DYNLT1: variants seen among roughly 807,000 people sequenced by gnomAD.
DYNLT1 encodes T-complex testis-specific protein 1 homolog.
Under a neutral mutation model 19.6 loss-of-function variants are expected in DYNLT1, and 18 were observed. That is an observed-to-expected ratio of 0.92 (90% CI 0.64 to 1.36). DYNLT1 has a LOEUF of 1.36. Ranked by LOEUF, DYNLT1 falls within the 40% of genes most tolerant of loss-of-function variation. The probability of loss-of-function intolerance (pLI) is 0.00; values close to 1 mark genes in which losing one functional copy is unlikely to be tolerated. For synonymous variants in DYNLT1, 56 were observed against 44.0 expected (o/e 1.27, Z -1.07); for missense variants, 137 against 139.3 (o/e 0.98, Z 0.08).
Position 158,637,186 on chromosome 6 carries a change from C to A in DYNLT1, c.213G>T (p.Gln71His). 2 of 1,614,190 alleles carry A rather than the reference C, an allele frequency of 1.2e-6. No individual in the cohort carries two copies. The highest frequency in any genetic ancestry group is 1.7e-6 in the Non-Finnish European group (2 of 1,180,030). The change falls in exon 4 of 5, where the codon CAG becomes CAT. Residue 71 changes from glutamine to histidine, a missense_variant. By Grantham distance (24) the Gln-to-His change is conservative. Transcript: ENST00000367089. ...FKYIVTCVIM[Q>H]KNGAGLHTAS... ...CTGTGTGTAATCCAGCTCCATTCTTCTGCATAATTACACAGGTCACTTAAG... is the reference window on the plus strand; with the variant it reads ...CTGTGTGTAATCCAGCTCCATTCTTATGCATAATTACACAGGTCACTTAAG...
intron 2 of DYNLT1, among the ~76,000 whole-genome samples, chr6:158,639,149 C>T (rs1210209088): frequency 2.0e-5 from 3 of 152,112 alleles, no homozygotes; most frequent in Non-Finnish European, 2.9e-5. Context: ...GATCTGGCGA[C>T]CTTGCTTTTG....
At chr6:158,637,274 A>G (rs1225286694) in intron 3 of DYNLT1, 69 bp from the exon 4 acceptor site, 97 of 1,421,106 alleles carry the variant, frequency 6.8e-5, no homozygotes, top group Non-Finnish European at 9.3e-5. Flanking sequence ...GTCCACTTTT[A>G]GCAAACGTAC....
chr6:158,638,055 T>G (rs1335749969), intron 2 of DYNLT1, among the ~76,000 whole-genome samples, 161 bp from the exon 3 acceptor site: 6 of 152,240 alleles, frequency 3.9e-5, no homozygotes, highest in African/African-American at 1.4e-4. Context: ...ATATTTCATT[T>G]AAATAAGTTT....
At chr6:158,644,605 T>G in intron 1 of DYNLT1, 77 bp downstream of exon 1, 2 of 1,582,056 alleles carry the variant, frequency 1.3e-6, no homozygotes, top group Non-Finnish European at 1.7e-6. Context: ...CAGCCAGGCC[T>G]TTCCGGGCAG....
rs73016246 is a variant in DYNLT1 at position 158,644,721 on chromosome 6, G to C, written c.-13C>G. 1.7e-5 allele frequency: 27 copies of C among 1,610,998 alleles called. No individual in the cohort carries two copies. In the African/African-American group the frequency reaches 2.9e-4, roughly 17 times the overall value. On this transcript the variant is annotated 5_prime_UTR_variant, in exon 1 of 5. Coordinates refer to ENST00000367089, the MANE Select transcript of DYNLT1 (RefSeq NM_006519.4). Reference sequence around the variant, plus strand: ...GGTAGTCTTCCATCTTTCCTCCGGCGCGTCCCCTCCGGCTCCCTGAGTGGC... The same window carrying C: ...GGTAGTCTTCCATCTTTCCTCCGGCCCGTCCCCTCCGGCTCCCTGAGTGGC...
chr6:158,643,815 A>T (rs1787234186), intron 1 of DYNLT1, among the ~76,000 whole-genome samples: 1 of 152,220 alleles, frequency 6.6e-6, no homozygotes. Context: ...ATCCAACCTT[A>T]CCAAATGTAT....
At chr6:158,644,414 G>C (rs530099956) in intron 1 of DYNLT1, among the ~76,000 whole-genome samples, 1 of 152,184 alleles carries the variant, frequency 6.6e-6, no homozygotes, top group Non-Finnish European at 1.5e-5. Context: ...CCGCTCACCG[G>C]GGCGCTCTCT....
intron 1 of DYNLT1, among the ~76,000 whole-genome samples, chr6:158,644,180 G>C (rs1225377381): frequency 6.6e-6 from 1 of 152,034 alleles, no homozygotes; most frequent in Non-Finnish European, 1.5e-5. Context: ...GCGCGGGATG[G>C]CCGGGACGCC....
chr6:158,638,490 T>C (rs1282696807), intron 2 of DYNLT1, among the ~76,000 whole-genome samples: 1 of 152,018 alleles, frequency 6.6e-6, no homozygotes, highest in East Asian at 1.9e-4. Context: ...AGTGATGGAA[T>C]CTTGGCTCAC....
chr6:158,642,213 T>G (rs567814006), intron 1 of DYNLT1: 1 of 152,376 alleles, frequency 6.6e-6, no homozygotes, highest in African/African-American at 2.4e-5. Context: ...GCTGCCAGCA[T>G]GGCTGTTCTC....
Position 158,637,856 on chromosome 6 carries a change from G to A in DYNLT1, c.108C>T (p.His36=), listed in dbSNP as rs1562323559. ...ESAIGGNAYQ[H]SKVNQWTTNV... is the part of the protein sequence containing the mutation. ...TTGTGGTCCACTGGTTCACTTTGCT[G>A]TGTTGATAAGCGTTACCACCAATTG... Residue 36 remains histidine, a synonymous_variant, in exon 3 of 5, where the codon CAC becomes CAT. Transcript: ENST00000367089. 4.4e-6 allele frequency: 7 copies of A among 1,608,296 alleles called. No homozygotes were observed. The highest frequency in any genetic ancestry group is 1.7e-6 in the Non-Finnish European group (2 of 1,180,022).
chr6:158,642,245 G>A (rs1209159226), intron 1 of DYNLT1: 2 of 152,244 alleles, frequency 1.3e-5, no homozygotes, highest in Non-Finnish European at 2.9e-5. Flanking sequence ...GGATGACTCA[G>A]GAGGTGGGCT....
chr6:158,636,514 T>A lies in DYNLT1; in HGVS notation c.*313A>T, dbSNP rs749442500. The A allele has an allele frequency of 6.6e-6, 2 of 304,810 alleles. No individual in the cohort carries two copies. The highest frequency in any genetic ancestry group is 2.1e-5 in the African/African-American group (1 of 46,954). 18.9% of individuals were successfully genotyped at this position (304,810 alleles called of 1,614,324 possible). On this transcript the variant is annotated 3_prime_UTR_variant, in exon 5 of 5. Transcript: ENST00000367089. ...TTTATTCTAACAAAAGTATAAAGTA[T>A]GGAAAATTAGTGTATTTGAATCATT...
At chr6:158,639,939 A>G (rs765185872) in intron 2 of DYNLT1, among the ~76,000 whole-genome samples, 1 of 152,202 alleles carries the variant, frequency 6.6e-6, no homozygotes. Context: ...TCGGCCTCCC[A>G]ATGTGCTGGG....
In DYNLT1 at chr6:158,644,489, G is replaced by A. The variant is rs764862883; in HGVS notation, c.27+193C>T. Among the ~76,000 whole-genome samples, 8 of 152,310 alleles carry A rather than the reference G, an allele frequency of 5.3e-5. No individual in the cohort carries two copies. In the East Asian group the frequency reaches 1.4e-3, roughly 26 times the overall value. On this transcript the variant is annotated intron_variant, in intron 1 of 4. Transcript: ENST00000367089. ...CAATCCCCTTCCCGCCCCCCGCGCC[G>A]GGGAAACGGCGGCAATGTCCGGGCA...
At chr6:158,644,482 C>T (rs1787294237) in intron 1 of DYNLT1, among the ~76,000 whole-genome samples, 200 bp downstream of exon 1, 1 of 152,226 alleles carries the variant, frequency 6.6e-6, no homozygotes, top group South Asian at 2.1e-4. Flanking sequence ...TTCCCGCCCC[C>T]CGCGCCGGGG....
rs762060976 is a variant in DYNLT1, at chr6:158,637,868, G to A, written c.96C>T (p.Asn32=). ...KEAIESAIGG[N]AYQHSKVNQW... is the part of the protein sequence containing the mutation. ...GGTTCACTTTGCTGTGTTGATAAGC[G>A]TTACCACCAATTGCGCTTTCTATAG... is the stretch of plus-strand genomic sequence containing the variant. The change falls in exon 3 of 5, where the codon AAC becomes AAT. Residue 32 remains asparagine (N), a synonymous_variant. Transcript: ENST00000367089. 1.3e-5 allele frequency: 21 copies of A among 1,605,922 alleles called. No homozygotes were observed. The highest frequency in any genetic ancestry group is 1.6e-5 in the Non-Finnish European group (19 of 1,179,992).
intron 2 of DYNLT1, among the ~76,000 whole-genome samples, chr6:158,640,868 C>T (rs933040737): frequency 6.6e-6 from 1 of 152,206 alleles, no homozygotes; most frequent in Non-Finnish European, 1.5e-5. Context: ...TCCCTTCTGT[C>T]TCTCTTCCTC....
intron 2 of DYNLT1, among the ~76,000 whole-genome samples, chr6:158,639,381 AG>A (rs1405264658): frequency 2.6e-5 from 4 of 152,020 alleles, no homozygotes; most frequent in Non-Finnish European, 5.9e-5. Flanking sequence ...GTCAAAGGGT[AG>A]GGGGGGCTTT....
Sources: allele counts gnomAD v4.1 joint callset (sites outside exome capture counted in the v4.1 genomes callset), GRCh38; gene constraint gnomAD v4.1.1; transcripts MANE v1.5; gene names NCBI Gene and HGNC (gene_info 2026-07-23, HGNC 2026-07-21).